EFHB: variants seen among roughly 807,000 people sequenced by gnomAD.
The protein encoded by EFHB is EF-hand domain-containing family member B.
EFHB carries 91 observed loss-of-function variants against 87.2 expected under a neutral mutation model. The observed-to-expected ratio is 1.04, with a 90% CI of 0.88 to 1.24. EFHB has a LOEUF of 1.24. EFHB is among the 50% of genes most tolerant of loss of function. EFHB has a pLI of 0.00. For synonymous variants in EFHB, 325 were observed against 333.6 expected (o/e 0.97, Z 0.28); for missense variants, 1,084 against 998.8 (o/e 1.09, Z -1.15).
At chr3:19,906,506 A>G (rs571264797) in intron 5 of EFHB, among the ~76,000 whole-genome samples, 149 of 152,312 alleles carry the variant, frequency 9.8e-4, no homozygotes, top group African/African-American at 2.9e-3. Flanking sequence ...CAAGGGGGTA[A>G]AAGACCTGTA....
At chr3:19,936,080 C>A (rs749795655), upstream of EFHB, 2 of 1,243,368 alleles carry the variant, frequency 1.6e-6, no homozygotes, top group South Asian at 2.7e-5. Context: ...TCTACAAAAA[C>A]CCCTTAAAAT....
intron 12 of EFHB, among the ~76,000 whole-genome samples, chr3:19,880,229 C>CATTTATTTATTTATTTATTT (rs59492875): frequency 1.1e-3 from 157 of 147,598 alleles, no homozygotes; most frequent in Middle Eastern, 3.4e-3. Context: ...ACATTAGTTT[C>CATTTATTTATTTATTTATTT]ATTTATTTAT....
At chr3:19,906,739 G>T (rs1257748933) in intron 5 of EFHB, among the ~76,000 whole-genome samples, 31 of 151,396 alleles carry the variant, frequency 2.0e-4, no homozygotes, top group Admixed American at 2.0e-3. Flanking sequence ...ACCACAAAAG[G>T]CTCTGAATAG....
At chr3:19,921,876 C>T (rs1164299847) in intron 1 of EFHB, among the ~76,000 whole-genome samples, 2 of 151,838 alleles carry the variant, frequency 1.3e-5, no homozygotes, top group East Asian at 3.9e-4. Flanking sequence ...TTTAAAAATA[C>T]GAAGGCTGCC....
At chr3:19,936,438 C>A (rs1696023769), upstream of EFHB, 3 of 468,786 alleles carry the variant, frequency 6.4e-6, no homozygotes, top group Non-Finnish European at 1.1e-5. Flanking sequence ...GTGGTACATG[C>A]CTATAGTCCT....
At chr3:19,904,203 C>T (rs572781672) in intron 6 of EFHB, among the ~76,000 whole-genome samples, 13 of 152,212 alleles carry the variant, frequency 8.5e-5, no homozygotes, top group South Asian at 4.1e-4. Context: ...AATATGAATG[C>T]GAGGCCCATG....
At chr3:19,884,296 C>CA (rs1231317143) in intron 11 of EFHB, 107 bp downstream of exon 11, 10 of 1,082,280 alleles carry the variant, frequency 9.2e-6, no homozygotes, top group African/African-American at 8.0e-5. Context: ...ATGCAAGGTA[C>CA]AAAGCTTTGG....
Position 19,888,705 on chromosome 3 carries a change from G to A in EFHB, c.1726-54C>T, listed in dbSNP as rs1204489433. On this transcript the variant is annotated intron_variant, in intron 9 of 12. Coordinates refer to ENST00000295824, the MANE Select transcript of EFHB (RefSeq NM_144715.4). ...AATGGGAGTTGTCTTCAAGAGCAGA[G>A]TAGGCAACATTATTTAGTTTAAGAA... 5.1e-6 allele frequency: 7 copies of A among 1,382,816 alleles called. No homozygotes were observed. In the African/African-American group the frequency reaches 1.0e-4, roughly 20 times the overall value. 85.7% of individuals were successfully genotyped at this position (1,382,816 alleles called of 1,614,324 possible).
intron 1 of EFHB, among the ~76,000 whole-genome samples, chr3:19,923,094 C>A (rs1016026514): frequency 2.0e-5 from 3 of 151,938 alleles, no homozygotes; most frequent in African/African-American, 7.2e-5. Flanking sequence ...GATGAAACCC[C>A]GTTGCTACAA....
At chr3:19,884,201 T>C in intron 11 of EFHB, among the ~76,000 whole-genome samples, 1 of 152,158 alleles carries the variant, frequency 6.6e-6, no homozygotes, top group Non-Finnish European at 1.5e-5. Flanking sequence ...AAAGAATCAT[T>C]TTACTTTGGT....
chr3:19,916,439 T>C (rs1334333990), intron 4 of EFHB, among the ~76,000 whole-genome samples: 81 of 151,818 alleles, frequency 5.3e-4, no homozygotes, highest in Non-Finnish European at 1.0e-3. Context: ...CGCTTGAACC[T>C]GGGAGGCAGA....
intron 1 of EFHB, among the ~76,000 whole-genome samples, chr3:19,942,009 T>C (rs767959940): frequency 6.6e-6 from 1 of 151,282 alleles, no homozygotes; most frequent in Non-Finnish European, 1.5e-5. Context: ...ACAAAAAAAA[T>C]TACCCAGGCG....
intron 6 of EFHB, among the ~76,000 whole-genome samples, chr3:19,901,572 C>T (rs149398053): frequency 8.4e-4 from 127 of 152,066 alleles, no homozygotes; most frequent in Middle Eastern, 3.4e-3. Flanking sequence ...CATTTGTTGG[C>T]GGGGGGGAAG....
Position 19,896,627 on chromosome 3 carries a change from A to C in EFHB, c.1725+60T>G, listed in dbSNP as rs1694492957. 1.9e-6 allele frequency: 3 copies of C among 1,611,344 alleles called. No homozygotes were observed. In the Admixed American group the frequency reaches 5.0e-5, roughly 27 times the overall value. On this transcript the variant is annotated intron_variant, in intron 9 of 12. Transcript: ENST00000295824. ...TATAGTTTGCTGACCCCTGATCTAC[A>C]CCAAACTGCTGGGATCTGTAAGCCC...
chr3:19,938,029 G>A (rs116407090), upstream of EFHB, among the ~76,000 whole-genome samples: 4 of 152,180 alleles, frequency 2.6e-5, no homozygotes, highest in African/African-American at 7.2e-5. Context: ...GAAGACTGAA[G>A]GGCATCCATC....
intron 10 of EFHB, among the ~76,000 whole-genome samples, chr3:19,886,388 C>T (rs62279120): frequency 0.26 from 39,688 of 151,874 alleles, 5,566 homozygotes; most frequent in African/African-American, 0.33. Context: ...AGAGACATCC[C>T]GAGAGAAAAT....
chr3:19,903,556 A>G (rs1053567376), intron 6 of EFHB, among the ~76,000 whole-genome samples: 54 of 152,104 alleles, frequency 3.6e-4, no homozygotes, highest in African/African-American at 1.3e-3. Flanking sequence ...ACATAGTTTA[A>G]CCATTTTAAT....
At chr3:19,926,403 G>A (rs909194879) in intron 1 of EFHB, among the ~76,000 whole-genome samples, 12 of 151,818 alleles carry the variant, frequency 7.9e-5, no homozygotes, top group African/African-American at 2.2e-4. Flanking sequence ...TCGCTCTGTC[G>A]CCGAGGCTGG....
chr3:19,936,154 A>G (rs1696013217), upstream of EFHB: 1 of 1,451,632 alleles, frequency 6.9e-7, no homozygotes, highest in Non-Finnish European at 9.3e-7. Flanking sequence ...TAATCTCAAC[A>G]CTTCGGGAAG....
Sources: gnomAD v4.1 joint callset for allele counts (sites outside exome capture counted in the v4.1 genomes callset) on GRCh38, gnomAD v4.1.1 for gene constraint, MANE v1.5 for transcripts, NCBI Gene and HGNC (gene_info 2026-07-23, HGNC 2026-07-21) for gene names.